The following VPS37A variants were observed in gnomAD, a reference collection of about 807,000 sequenced individuals.
The protein encoded by VPS37A is vacuolar protein sorting-associated protein 37A.
In VPS37A, 30 loss-of-function variants were observed where a neutral mutation model predicts 49.8. The observed-to-expected ratio is 0.60, with a 90% CI of 0.45 to 0.82. The LOEUF (loss-of-function observed/expected upper bound fraction) is 0.82, where lower values mean the gene tolerates loss of function less well. Among genes scored for constraint, VPS37A ranks in the 40% least tolerant of loss-of-function variants. The probability of loss-of-function intolerance (pLI) is 0.00; values close to 1 mark genes in which losing one functional copy is unlikely to be tolerated. For missense variants in VPS37A, 593 were observed against 464.4 expected (o/e 1.28, Z -2.55); for synonymous variants, 195 against 160.6 (o/e 1.21, Z -1.62).
chr8:17,309,253 A>C, the VPS37A span: 2 of 1,435,636 alleles, frequency 1.4e-6, no homozygotes, highest in East Asian at 2.3e-5. Flanking sequence ...CTAAACATTC[A>C]AAACAGTCTT....
chr8:17,281,670 A>G (rs537358088), intron 9 of VPS37A, among the ~76,000 whole-genome samples: 4 of 152,062 alleles, frequency 2.6e-5, no homozygotes, highest in Non-Finnish European at 5.9e-5. Context: ...GGTATAACAT[A>G]AAAAGAAGAA....
chr8:17,288,264 C>T (rs1815802402), intron 11 of VPS37A, among the ~76,000 whole-genome samples: 2 of 152,084 alleles, frequency 1.3e-5, no homozygotes, highest in East Asian at 3.9e-4. Flanking sequence ...GATACATGTG[C>T]AGAACGTACA....
At chr8:17,319,729 T>G in the VPS37A span, among the ~76,000 whole-genome samples, 4 of 152,184 alleles carry the variant, frequency 2.6e-5, no homozygotes, top group South Asian at 4.1e-4. Flanking sequence ...GTCCAGCATC[T>G]CCCAGCTGAT....
the VPS37A span, among the ~76,000 whole-genome samples, chr8:17,330,318 A>C: frequency 6.6e-6 from 1 of 152,204 alleles, no homozygotes; most frequent in African/African-American, 2.4e-5. Context: ...TCCCAGCTCC[A>C]GCTCTCCAGG....
intron 1 of VPS37A, among the ~76,000 whole-genome samples, chr8:17,264,790 A>G (rs190951338): frequency 1.9e-4 from 29 of 152,272 alleles, no homozygotes; most frequent in African/African-American, 6.3e-4. Context: ...TTCCTCTGCA[A>G]CCTCACCTCA....
chr8:17,277,861 TACACACAC>T (rs67718316), intron 6 of VPS37A, among the ~76,000 whole-genome samples: 1,738 of 140,982 alleles, frequency 0.012, 23 homozygotes, highest in African/African-American at 0.041. Flanking sequence ...TTCTCTTTTA[TACACACAC>T]ACACACACAC....
At chr8:17,316,971 T>C in the VPS37A span, among the ~76,000 whole-genome samples, 3 of 152,218 alleles carry the variant, frequency 2.0e-5, no homozygotes, top group Middle Eastern at 3.2e-3. Flanking sequence ...ACCAGTAGGT[T>C]GGGAAAGTTC....
chr8:17,277,879 C>CACAT (rs1393314761), intron 6 of VPS37A, among the ~76,000 whole-genome samples: 5 of 151,320 alleles, frequency 3.3e-5, no homozygotes, highest in Non-Finnish European at 3.0e-5. Flanking sequence ...CACACACACA[C>CACAT]ACACACACAC....
At chr8:17,258,409 G>A (rs1812670713) in intron 1 of VPS37A, among the ~76,000 whole-genome samples, 1 of 152,026 alleles carries the variant, frequency 6.6e-6, no homozygotes, top group Non-Finnish European at 1.5e-5. Context: ...TTTGTTTTTT[G>A]TTCTTGGTTC....
At chr8:17,327,795 G>A in the VPS37A span, among the ~76,000 whole-genome samples, 83 of 152,264 alleles carry the variant, frequency 5.5e-4, no homozygotes, top group African/African-American at 1.9e-3. Flanking sequence ...GTACTTTGAG[G>A]TTTTAACTTA....
the VPS37A span, chr8:17,311,715 C>G: frequency 6.3e-7 from 1 of 1,596,830 alleles, no homozygotes; most frequent in South Asian, 1.1e-5. Context: ...CCAGGTTTGA[C>G]TGTATATTTA....
At chr8:17,313,975 C>A in the VPS37A span, among the ~76,000 whole-genome samples, 1 of 152,266 alleles carries the variant, frequency 6.6e-6, no homozygotes, top group East Asian at 1.9e-4. Flanking sequence ...TGCCTCTGAT[C>A]CAATTCTAGA....
At chr8:17,252,191 G>T (rs2150346098) in intron 1 of VPS37A, among the ~76,000 whole-genome samples, 1 of 152,082 alleles carries the variant, frequency 6.6e-6, no homozygotes, top group East Asian at 1.9e-4. Flanking sequence ...TTTATTTTTT[G>T]AGACAGGGTC....
chr8:17,284,724 C>G, intron 10 of VPS37A, 108 bp downstream of exon 10: 1 of 1,308,054 alleles, frequency 7.6e-7, no homozygotes, highest in Non-Finnish European at 1.0e-6. Flanking sequence ...ATATCATCCC[C>G]CTTTTTTTGT....
At chr8:17,252,804 C>T (rs964464271) in intron 1 of VPS37A, among the ~76,000 whole-genome samples, 1 of 152,288 alleles carries the variant, frequency 6.6e-6, no homozygotes, top group East Asian at 1.9e-4. Context: ...ATAACATTAA[C>T]TTGTAATAAA....
downstream of VPS37A, chr8:17,304,517 A>T (rs1431095650): frequency 3.7e-6 from 6 of 1,612,906 alleles, no homozygotes; most frequent in Non-Finnish European, 5.1e-6. Context: ...TCTTTCTTGA[A>T]TCCTGTTATA....
chr8:17,284,726 T>A, intron 10 of VPS37A, 110 bp downstream of exon 10: 1 of 1,269,386 alleles, frequency 7.9e-7, no homozygotes, highest in Non-Finnish European at 1.1e-6. Context: ...ATCATCCCCC[T>A]TTTTTTGTAC....
the VPS37A span, among the ~76,000 whole-genome samples, chr8:17,319,955 T>C: frequency 2.6e-5 from 4 of 152,178 alleles, no homozygotes; most frequent in Admixed American, 2.6e-4. Context: ...TTGAAATATG[T>C]CTGATCAGGA....
At chr8:17,311,912 G>T in the VPS37A span, 1 of 338,242 alleles carries the variant, frequency 3.0e-6, no homozygotes, top group South Asian at 5.3e-5. Context: ...TTCGTCCTAT[G>T]CAAACGGACC....
Sources: allele counts gnomAD v4.1 joint callset (sites outside exome capture counted in the v4.1 genomes callset), GRCh38; gene constraint gnomAD v4.1.1; transcripts MANE v1.5; gene names NCBI Gene and HGNC (gene_info 2026-07-23, HGNC 2026-07-21).